The following LRCH2 variants were observed in gnomAD, a reference collection of about 807,000 sequenced individuals.
LRCH2 encodes the protein leucine rich repeats and calponin homology domain containing 2, also known as leucine-rich repeat and calponin homology domain-containing protein 2.
LRCH2 carries 38 observed loss-of-function variants against 68.9 expected under a neutral mutation model. The ratio of observed to expected loss-of-function variants is 0.55; its 90% confidence interval spans 0.43 to 0.72. LRCH2 has a LOEUF of 0.72. Ranked by LOEUF, LRCH2 falls within the 30% of genes least tolerant of loss-of-function variation. The pLI, the probability that LRCH2 is intolerant of heterozygous loss-of-function variation, is 0.00. For synonymous variants in LRCH2, 191 were observed against 208.1 expected (o/e 0.92, Z 0.71); for missense variants, 528 against 572.9 (o/e 0.92, Z 0.80).
At chrX:115,138,212 C>T (rs1187235182) in intron 14 of LRCH2, among the ~76,000 whole-genome samples, 2 of 110,175 alleles carry the variant, frequency 1.8e-5, no homozygotes, top group Non-Finnish European at 3.8e-5. Flanking sequence ...CTGACCTCCT[C>T]CCTTCTCCCT....
chrX:115,204,557 A>C (rs782597782), intron 1 of LRCH2, among the ~76,000 whole-genome samples: 4 of 112,228 alleles, frequency 3.6e-5, no homozygotes, highest in Non-Finnish European at 5.6e-5. Flanking sequence ...GCCAGGTCAC[A>C]TCTTGAATGC....
intron 12 of LRCH2, among the ~76,000 whole-genome samples, chrX:115,153,425 CAGAA>C (rs781887333): frequency 2.7e-5 from 3 of 110,802 alleles, no homozygotes; most frequent in Non-Finnish European, 5.7e-5. Flanking sequence ...CTCTTTTAGG[CAGAA>C]AGAAAGTGAT....
chrX:115,135,006 T>C (rs2072276455), intron 14 of LRCH2, among the ~76,000 whole-genome samples: 1 of 111,744 alleles, frequency 8.9e-6, no homozygotes, highest in African/African-American at 3.3e-5. Context: ...AAATTCATTC[T>C]GATCGTCATG....
chrX:115,212,472 T>C (rs1380759467), intron 1 of LRCH2, among the ~76,000 whole-genome samples: 1 of 112,203 alleles, frequency 8.9e-6, no homozygotes, highest in African/African-American at 3.2e-5. Context: ...TGCAAGCAAA[T>C]CTGCCCTTTG....
intron 14 of LRCH2, among the ~76,000 whole-genome samples, chrX:115,146,943 ACACACACAC>A (rs2072389374): frequency 1.8e-5 from 2 of 108,266 alleles, no homozygotes; most frequent in African/African-American, 6.7e-5. Context: ...ACACACACAC[ACACACACAC>A]ACACACATTC....
At chrX:115,128,738 G>T (rs1481854710) in intron 15 of LRCH2, among the ~76,000 whole-genome samples, 1 of 112,135 alleles carries the variant, frequency 8.9e-6, no homozygotes, top group Non-Finnish European at 1.9e-5. Context: ...TTGGCCCCTG[G>T]ATCATAATTT....
At chrX:115,233,564 C>A (rs1281120488) in intron 1 of LRCH2, 129 bp downstream of exon 1, 7 of 672,143 alleles carry the variant, frequency 1.0e-5, no homozygotes, top group Non-Finnish European at 1.5e-5. Context: ...CGGGCTGCCC[C>A]GACTTTGTTA....
At chrX:115,197,847 TCACACA>T (rs1556564243) in intron 1 of LRCH2, among the ~76,000 whole-genome samples, 1 of 20,565 alleles carries the variant, frequency 4.9e-5, no homozygotes, top group Non-Finnish European at 8.2e-5. Context: ...TCTCTCTCTC[TCACACA>T]CACACACACA....
chrX:115,197,845 T>A (rs868972311), intron 1 of LRCH2, among the ~76,000 whole-genome samples: 16 of 28,632 alleles, frequency 5.6e-4, no homozygotes, highest in East Asian at 4.1e-3. Flanking sequence ...TCTCTCTCTC[T>A]CTCACACACA....
intron 20 of LRCH2, 146 bp from the exon 21 acceptor site, chrX:115,113,481 A>G (rs2072058348): frequency 2.2e-6 from 1 of 454,498 alleles, no homozygotes; most frequent in African/African-American, 2.5e-5. Flanking sequence ...ATTGTAATCT[A>G]AAATGTTTTT....
intron 1 of LRCH2, among the ~76,000 whole-genome samples, chrX:115,197,179 G>GT (rs2072893784): frequency 8.9e-6 from 1 of 111,844 alleles, no homozygotes; most frequent in South Asian, 3.8e-4. Context: ...TTAAAAAGAT[G>GT]TAACTATGAA....
At chrX:115,167,153 A>ACTATGTT (rs1383879248) in intron 6 of LRCH2, among the ~76,000 whole-genome samples, 49 of 80,488 alleles carry the variant, frequency 6.1e-4, no homozygotes, top group Middle Eastern at 9.6e-3. Context: ...GGTGGTAATC[A>ACTATGTT]CTATGTTTTA....
At chrX:115,225,360 T>C in intron 1 of LRCH2, among the ~76,000 whole-genome samples, 1 of 110,474 alleles carries the variant, frequency 9.1e-6, no homozygotes, top group Non-Finnish European at 1.9e-5. Context: ...CATTTGGGGG[T>C]ATTGTTTTCT....
intron 1 of LRCH2, chrX:115,190,538 A>G (rs2072785220): frequency 1.7e-6 from 2 of 1,167,309 alleles, no homozygotes; most frequent in Non-Finnish European, 2.3e-6. Flanking sequence ...CCCAAAGCCT[A>G]TAGTGGGGGC....
intron 1 of LRCH2, among the ~76,000 whole-genome samples, chrX:115,212,619 C>G (rs1342713899): frequency 9.1e-6 from 1 of 109,890 alleles, no homozygotes; most frequent in African/African-American, 3.3e-5. Context: ...ATTGCCTCAG[C>G]CTCCTAAGTA....
At chrX:115,169,177 T>C (rs1363924736) in intron 6 of LRCH2, among the ~76,000 whole-genome samples, 1 of 112,002 alleles carries the variant, frequency 8.9e-6, no homozygotes, top group Admixed American at 9.5e-5. Context: ...TATATGTGTG[T>C]GTATTTCCTT....
intron 11 of LRCH2, among the ~76,000 whole-genome samples, chrX:115,160,410 A>G (rs1211782306): frequency 1.8e-5 from 2 of 112,226 alleles, no homozygotes; most frequent in Admixed American, 9.4e-5. Context: ...ACTGAACTCA[A>G]TGTAAGCTGT....
At chrX:115,117,551 T>C (rs1556524456) in intron 20 of LRCH2, among the ~76,000 whole-genome samples, 1 of 111,536 alleles carries the variant, frequency 9.0e-6, no homozygotes, top group African/African-American at 3.2e-5. Flanking sequence ...CAAATGTCCA[T>C]CAGCAGGTCA....
intron 6 of LRCH2, among the ~76,000 whole-genome samples, chrX:115,167,972 C>T (rs1181834307): frequency 8.9e-6 from 1 of 112,133 alleles, no homozygotes; most frequent in East Asian, 2.8e-4. Flanking sequence ...TAAGGCATTG[C>T]ACTAAGTGCT....
Sources: gnomAD v4.1 joint callset for allele counts (sites outside exome capture counted in the v4.1 genomes callset) on GRCh38, gnomAD v4.1.1 for gene constraint, MANE v1.5 for transcripts, NCBI Gene and HGNC (gene_info 2026-07-23, HGNC 2026-07-21) for gene names.